Variants in RANBP2 observed in about 807,000 individuals in gnomAD.
RANBP2 encodes the protein E3 SUMO-protein ligase RanBP2.
Under a neutral mutation model 303.6 loss-of-function variants are expected in RANBP2, and 57 were observed. The ratio of observed to expected loss-of-function variants is 0.19; its 90% CI spans 0.15 to 0.23. RANBP2 has a LOEUF of 0.23. RANBP2 is among the 10% of genes least tolerant of loss of function. The pLI is 1.00. For synonymous variants in RANBP2, 1,167 were observed against 1,301.5 expected (o/e 0.90, Z 2.23); for missense variants, 3,138 against 3,780.8 (o/e 0.83, Z 4.46).
At chr2:108,959,775 T>A in the RANBP2 span, among the ~76,000 whole-genome samples, 1 of 152,198 alleles carries the variant, frequency 6.6e-6, no homozygotes, top group Non-Finnish European at 1.5e-5. Context: ...TGAGGAGTGC[T>A]GGCTGAAAAT....
the RANBP2 span, among the ~76,000 whole-genome samples, chr2:109,334,560 G>T: frequency 2.0e-5 from 3 of 152,028 alleles, no homozygotes; most frequent in Non-Finnish European, 2.9e-5. Flanking sequence ...ACCCTCACCC[G>T]CTCCGGGGAT....
At chr2:109,380,215 C>T in the RANBP2 span, among the ~76,000 whole-genome samples, 1 of 152,144 alleles carries the variant, frequency 6.6e-6, no homozygotes, top group Non-Finnish European at 1.5e-5. Flanking sequence ...GCCCTGATTT[C>T]TCTCTTCTTA....
the RANBP2 span, among the ~76,000 whole-genome samples, chr2:109,333,645 G>A: frequency 6.6e-6 from 1 of 152,146 alleles, no homozygotes; most frequent in Non-Finnish European, 1.5e-5. Flanking sequence ...AAGCCACCTT[G>A]CTCCACTAGA....
the RANBP2 span, among the ~76,000 whole-genome samples, chr2:108,933,767 A>G: frequency 6.6e-6 from 1 of 151,642 alleles, no homozygotes. Context: ...CAGCGACGGG[A>G]GATCGGGGTG....
At chr2:108,946,216 G>A in the RANBP2 span, among the ~76,000 whole-genome samples, 1 of 152,148 alleles carries the variant, frequency 6.6e-6, no homozygotes, top group Non-Finnish European at 1.5e-5. Context: ...GCATGACTGG[G>A]TATACTCAGC....
the RANBP2 span, among the ~76,000 whole-genome samples, chr2:109,175,064 A>G: frequency 6.6e-6 from 1 of 151,168 alleles, no homozygotes; most frequent in African/African-American, 2.4e-5. Context: ...AAAATCCCAT[A>G]TTTAAATGAT....
the RANBP2 span, among the ~76,000 whole-genome samples, chr2:108,946,912 CA>C: frequency 6.6e-6 from 1 of 151,796 alleles, no homozygotes; most frequent in East Asian, 1.9e-4. Context: ...TTTCACATTT[CA>C]AAACCAATCA....
At chr2:108,819,394 G>A in the RANBP2 span, among the ~76,000 whole-genome samples, 2 of 152,158 alleles carry the variant, frequency 1.3e-5, no homozygotes, top group African/African-American at 4.8e-5. Context: ...TCCAAAGTCT[G>A]CCCACAGGAC....
the RANBP2 span, among the ~76,000 whole-genome samples, chr2:109,350,129 G>T: frequency 6.6e-6 from 1 of 152,222 alleles, no homozygotes; most frequent in African/African-American, 2.4e-5. Flanking sequence ...TATTTCACAA[G>T]AAACAGTGAA....
the RANBP2 span, among the ~76,000 whole-genome samples, chr2:109,078,208 AGCG>A: frequency 1.0e-5 from 1 of 97,092 alleles, no homozygotes; most frequent in African/African-American, 4.0e-5. Flanking sequence ...GTATATATAT[AGCG>A]TATATATATA....
At chr2:108,957,707 A>G in the RANBP2 span, among the ~76,000 whole-genome samples, 1 of 152,268 alleles carries the variant, frequency 6.6e-6, no homozygotes, top group Admixed American at 6.5e-5. Flanking sequence ...CGGGCCTACC[A>G]GGCGAGGCTA....
chr2:109,465,667 G>A, the RANBP2 span, among the ~76,000 whole-genome samples: 1 of 152,200 alleles, frequency 6.6e-6, no homozygotes, highest in African/African-American at 2.4e-5. Context: ...TTATGGTTCT[G>A]CAGGCTCTAC....
chr2:108,968,592 G>A, the RANBP2 span, among the ~76,000 whole-genome samples: 336 of 152,286 alleles, frequency 2.2e-3, no homozygotes, highest in African/African-American at 7.7e-3. Flanking sequence ...TGTCTGTGGC[G>A]CCTCCTGATC....
the RANBP2 span, among the ~76,000 whole-genome samples, chr2:108,854,226 C>T: frequency 3.3e-5 from 5 of 149,908 alleles, no homozygotes; most frequent in East Asian, 7.8e-4. Context: ...TGAGCTTATA[C>T]TTTAGGTCTA....
rs1696310429 is a variant in RANBP2 at position 108,743,905 on chromosome 2, A to T, written c.976-2806A>T. On this transcript the variant is annotated intron_variant, in intron 7 of 28. Transcript: ENST00000283195. The stretch of plus-strand genomic sequence containing the variant: ...GAAACATCTTAGATGCTTGTATTTT[A>T]TTTTATCAGTTTATTTTAAAGCTTA... Among the ~76,000 whole-genome samples the T allele has an allele frequency of 2.0e-5, 3 of 152,290 alleles. No homozygotes were observed. The East Asian group carries it at 5.8e-4, about 29-fold the overall frequency.
chr2:109,267,865 T>C, the RANBP2 span, among the ~76,000 whole-genome samples: 1 of 152,074 alleles, frequency 6.6e-6, no homozygotes, highest in Admixed American at 6.5e-5. Context: ...CAGAGGTTGC[T>C]TGGGAGGCCA....
At chr2:109,524,716 T>A in the RANBP2 span, among the ~76,000 whole-genome samples, 1 of 151,736 alleles carries the variant, frequency 6.6e-6, no homozygotes, top group East Asian at 1.9e-4. Flanking sequence ...CTGCACTCCA[T>A]CCTGGGTGAC....
chr2:109,173,115 C>A, the RANBP2 span, among the ~76,000 whole-genome samples: 1 of 152,190 alleles, frequency 6.6e-6, no homozygotes, highest in Non-Finnish European at 1.5e-5. Context: ...AAATGAACAT[C>A]TTTTTTTAAC....
the RANBP2 span, among the ~76,000 whole-genome samples, chr2:109,287,508 C>G: frequency 6.6e-6 from 1 of 152,340 alleles, no homozygotes; most frequent in East Asian, 1.9e-4. Flanking sequence ...GGTTGGGACA[C>G]TACGCTCAGG....
Sources: gnomAD v4.1 joint callset for allele counts (sites outside exome capture counted in the v4.1 genomes callset) on GRCh38, gnomAD v4.1.1 for gene constraint, MANE v1.5 for transcripts, NCBI Gene and HGNC (gene_info 2026-07-23, HGNC 2026-07-21) for gene names.